LRRC8B: variants seen among roughly 807,000 people sequenced by gnomAD.
LRRC8B encodes volume-regulated anion channel subunit LRRC8B.
In LRRC8B, 23 loss-of-function variants were observed where a neutral mutation model predicts 58.8. The ratio of observed to expected loss-of-function variants is 0.39; its 90% CI spans 0.28 to 0.55. The LOEUF is 0.55. LRRC8B is among the 20% of genes least tolerant of loss of function. The pLI is 0.62. For missense variants in LRRC8B, 694 were observed against 936.0 expected, an observed-to-expected ratio of 0.74 and a Z score of 3.37; for synonymous variants, 359 against 374.1, an observed-to-expected ratio of 0.96 and a Z score of 0.47.
chr1:89,557,034 G>A (rs1431049053), intron 1 of LRRC8B, among the ~76,000 whole-genome samples: 1 of 152,178 alleles, frequency 6.6e-6, no homozygotes, highest in Non-Finnish European at 1.5e-5. Flanking sequence ...TTCTGTTTTT[G>A]TCTTTTTCCA....
chr1:89,537,626 C>T (rs937774827), intron 1 of LRRC8B, among the ~76,000 whole-genome samples: 16 of 152,136 alleles, frequency 1.1e-4, no homozygotes, highest in African/African-American at 3.1e-4. Flanking sequence ...GCACACACCA[C>T]TACACCGGGC....
intron 1 of LRRC8B, among the ~76,000 whole-genome samples, chr1:89,553,204 C>T (rs552822902): frequency 6.6e-6 from 1 of 152,244 alleles, no homozygotes; most frequent in East Asian, 1.9e-4. Flanking sequence ...AGACTTATTT[C>T]GCACTGAAAT....
intron 1 of LRRC8B, among the ~76,000 whole-genome samples, chr1:89,544,197 A>G (rs1651232696): frequency 6.6e-6 from 1 of 152,222 alleles, no homozygotes; most frequent in Admixed American, 6.5e-5. Flanking sequence ...GGGAAGGGAA[A>G]TGAAGGAAGC....
At chr1:89,544,087 C>A (rs937831363) in intron 1 of LRRC8B, among the ~76,000 whole-genome samples, 1 of 152,176 alleles carries the variant, frequency 6.6e-6, no homozygotes, top group Non-Finnish European at 1.5e-5. Flanking sequence ...TAAGCCACTG[C>A]GCCCAGATGA....
chr1:89,548,361 A>G (rs12409338), intron 1 of LRRC8B, among the ~76,000 whole-genome samples: 29,179 of 152,120 alleles, frequency 0.19, 3,496 homozygotes, highest in Admixed American at 0.31. Context: ...GTTGACATGG[A>G]AAAATATTTA....
At chr1:89,539,973 T>G (rs1010529947) in intron 1 of LRRC8B, among the ~76,000 whole-genome samples, 2 of 152,218 alleles carry the variant, frequency 1.3e-5, no homozygotes, top group African/African-American at 4.8e-5. Flanking sequence ...ATTGTGAAAG[T>G]TAGCTTTCCA....
chr1:89,583,785 C>G lies in LRRC8B; in HGVS notation c.1135C>G (p.Leu379Val). 6.2e-7 allele frequency: 1 copy of G among 1,614,174 alleles called. No homozygotes were observed. The highest frequency in any genetic ancestry group is 8.5e-7 in the Non-Finnish European group (1 of 1,180,032). ...TCATCTGGCTGATCAGTATGATCCT[C>G]TTTATTCCAAACGCTTCTCCATATT... ...ILHLADQYDP[L>V]YSKRFSIFLS... The change falls in exon 5 of 6, where the codon CTT becomes GTT. Residue 379 changes from leucine to valine, a missense_variant. This residue lies in a region of LRRC8B where 24 missense variants were observed against 63.2 expected (regional missense o/e 0.38). Coordinates refer to ENST00000330947, the MANE Select transcript of LRRC8B (RefSeq NM_001369817.2). This position sits in a 1 kb window ranked among gnomAD's most constrained non-coding sequence, Gnocchi z 5.2.
chr1:89,560,812 G>A (rs1419087062), intron 1 of LRRC8B, among the ~76,000 whole-genome samples: 1 of 151,640 alleles, frequency 6.6e-6, no homozygotes, highest in African/African-American at 2.4e-5. Flanking sequence ...TTGGTTCCAA[G>A]TCTTTGCTAT....
intron 1 of LRRC8B, among the ~76,000 whole-genome samples, chr1:89,563,000 A>G (rs1652795890): frequency 1.3e-5 from 2 of 152,208 alleles, no homozygotes; most frequent in South Asian, 4.1e-4. Context: ...GTAACCTATG[A>G]ATTATGAACA....
At position 89,584,242 on chromosome 1, in the gene LRRC8B, T is replaced by G; in HGVS notation, c.1592T>G (p.Leu531Trp). ...CCTGAACAGTTGAGTACTATGCAGT[T>G]GGAGGGCTTTCAGGACTTAAAAAAT... ...VLPEQLSTMQ[L>W]EGFQDLKNLR... The change falls in exon 5 of 6, where the codon TTG becomes TGG. Residue 531 changes from leucine to tryptophan, a missense_variant. Around this residue, in one of 5 missense-constraint regions of LRRC8B, gnomAD observed 162 missense variants for 198.5 expected, o/e 0.82. Transcript: ENST00000330947. 6.2e-7 allele frequency: 1 copy of G among 1,612,774 alleles called. No homozygotes were observed. Among genetic ancestry groups the G allele is most frequent in the Non-Finnish European group, 8.5e-7 (1 of 1,180,024 alleles).
At chr1:89,533,368 T>G (rs1650281170) in intron 1 of LRRC8B, among the ~76,000 whole-genome samples, 1 of 152,180 alleles carries the variant, frequency 6.6e-6, no homozygotes, top group Non-Finnish European at 1.5e-5. Context: ...GCATGTCCCA[T>G]GGACACAGTG....
At position 89,583,026 on chromosome 1, in the gene LRRC8B, C is replaced by T; in HGVS notation, c.376C>T (p.Leu126Phe). 6.2e-7 allele frequency: 1 copy of T among 1,614,212 alleles called. No individual in the cohort carries two copies. Among genetic ancestry groups the T allele is most frequent in the Non-Finnish European group, 8.5e-7 (1 of 1,180,034 alleles). The change falls in exon 5 of 6, where the codon CTC becomes TTC. Residue 126 changes from leucine (L) to phenylalanine (F), a missense_variant. Leu to Phe is a conservative substitution (Grantham distance 22). This residue lies in a region of LRRC8B where 316 missense variants were observed against 403.8 expected (regional missense o/e 0.78). Coordinates refer to ENST00000330947, the MANE Select transcript of LRRC8B (RefSeq NM_001369817.2). The surrounding 1 kb of genome is among the most constrained non-coding windows in gnomAD (Gnocchi z 5.2). ...TGCAAAGTTTTTCCCCTATCTGGTG[C>T]TCTTGCACACGCTCATCTTTGCAGC... Reference protein sequence around the residue: ...WFAKFFPYLVLLHTLIFAACS... With the variant: ...WFAKFFPYLVFLHTLIFAACS...
intron 3 of LRRC8B, among the ~76,000 whole-genome samples, chr1:89,574,806 G>A (rs1485015152): frequency 5.3e-5 from 8 of 152,168 alleles, no homozygotes; most frequent in Admixed American, 4.6e-4. Flanking sequence ...AAAGAAAGAA[G>A]TGGCCTCAGG....
At position 89,577,724 on chromosome 1, in the gene LRRC8B, C is replaced by A. The variant is rs116044942; in HGVS notation, c.-124-1867C>A. Among the ~76,000 whole-genome samples, 826 of 152,124 alleles carry A rather than the reference C, an allele frequency of 5.4e-3. 1 individual carries two copies. The highest frequency in any genetic ancestry group is 9.3e-3 in the Non-Finnish European group (634 of 68,004). On this transcript the variant is annotated intron_variant, in intron 3 of 5. Coordinates refer to ENST00000330947, the MANE Select transcript of LRRC8B (RefSeq NM_001369817.2). Reference sequence around the variant, plus strand: ...TATATTTAAATATTAAGTTTTAGTTCAGTAGAAAATATTTAGTAGGAAAAT... The same window carrying A: ...TATATTTAAATATTAAGTTTTAGTTAAGTAGAAAATATTTAGTAGGAAAAT...
chr1:89,577,296 G>C (rs979291521), intron 3 of LRRC8B, among the ~76,000 whole-genome samples: 3 of 152,174 alleles, frequency 2.0e-5, no homozygotes, highest in Admixed American at 6.5e-5. Flanking sequence ...CTACTGGGAA[G>C]TAAAGATGCC....
rs1368827753 is a variant in LRRC8B, at chr1:89,584,767, A to G, written c.2117A>G (p.Tyr706Cys). The change falls in exon 5 of 6, where the codon TAC becomes TGC. Residue 706 changes from tyrosine (Y) to cysteine (C), a missense_variant. Physicochemically the swap from Tyr to Cys is radical, Grantham distance 194. This residue lies in a region of LRRC8B where 139 missense variants were observed against 158.2 expected (regional missense o/e 0.88). Transcript: ENST00000330947. Reference sequence around the variant, plus strand: ...ATCCAGTATCTGAGTAATTTGCAGTACTTTGCTGTGACCAACAACAATGTA... The same window carrying G: ...ATCCAGTATCTGAGTAATTTGCAGTGCTTTGCTGTGACCAACAACAATGTA... Reference protein sequence around the residue: ...EEIQYLSNLQYFAVTNNNIEM... With the variant: ...EEIQYLSNLQCFAVTNNNIEM... 2 of 1,605,242 alleles carry G rather than the reference A, an allele frequency of 1.2e-6. No homozygotes were observed. The highest frequency in any genetic ancestry group is 1.7e-6 in the Non-Finnish European group (2 of 1,176,108).
intron 1 of LRRC8B, among the ~76,000 whole-genome samples, chr1:89,534,356 C>A (rs948159285): frequency 1.3e-5 from 2 of 152,088 alleles, no homozygotes; most frequent in African/African-American, 4.8e-5. Context: ...TCACATCATC[C>A]GTTTAAGAAA....
intron 1 of LRRC8B, among the ~76,000 whole-genome samples, chr1:89,553,164 G>A (rs1651943139): frequency 6.6e-6 from 1 of 152,132 alleles, no homozygotes; most frequent in Admixed American, 6.6e-5. Flanking sequence ...ATGTAAATTG[G>A]TTAAAAACAC....
At chr1:89,529,667 T>C (rs1482305620) in intron 1 of LRRC8B, among the ~76,000 whole-genome samples, 1 of 152,214 alleles carries the variant, frequency 6.6e-6, no homozygotes, top group East Asian at 1.9e-4. Context: ...TAGAAAGTTA[T>C]AAAATTATCT....
Sources: gnomAD v4.1 joint callset for allele counts (sites outside exome capture counted in the v4.1 genomes callset) on GRCh38, gnomAD v4.1.1 for gene constraint, gnomAD v4.1.1 regional missense constraint, Gnocchi (gnomAD v3.1) non-coding constraint, MANE v1.5 for transcripts, NCBI Gene and HGNC (gene_info 2026-07-23, HGNC 2026-07-21) for gene names.